TLN2: variants seen among roughly 807,000 people sequenced by gnomAD.
The protein encoded by TLN2 is talin-2.
TLN2 carries 118 observed loss-of-function variants against 294.7 expected under a neutral mutation model. That is an observed-to-expected ratio of 0.40 (90% confidence interval 0.34 to 0.47). The LOEUF is 0.47. Ranked by LOEUF, TLN2 falls within the 20% of genes least tolerant of loss-of-function variation. The pLI, the probability that TLN2 is intolerant of heterozygous loss-of-function variation, is 0.84. For missense variants in TLN2, 3,083 were observed against 3,282.2 expected (o/e 0.94, Z 1.48); for synonymous variants, 1,431 against 1,304.5 (o/e 1.10, Z -2.09).
chr15:62,481,116 C>T (rs2038065046), intron 1 of TLN2, among the ~76,000 whole-genome samples: 1 of 152,154 alleles, frequency 6.6e-6, no homozygotes, highest in African/African-American at 2.4e-5. Context: ...TCACAATTCT[C>T]TTCCTCATTG....
chr15:62,521,364 AT>A (rs1370389473), intron 1 of TLN2, among the ~76,000 whole-genome samples: 1 of 152,190 alleles, frequency 6.6e-6, no homozygotes, highest in African/African-American at 2.4e-5. Flanking sequence ...TCTGTAAAAT[AT>A]TTAAAGAGGT....
intron 1 of TLN2, among the ~76,000 whole-genome samples, chr15:62,398,440 A>G (rs753156389): frequency 2.0e-5 from 3 of 152,136 alleles, no homozygotes; most frequent in African/African-American, 4.8e-5. Flanking sequence ...GGTACCGCAG[A>G]GAGTGGGGTG....
At chr15:62,591,191 G>A (rs959126209) in intron 2 of TLN2, among the ~76,000 whole-genome samples, 3 of 152,088 alleles carry the variant, frequency 2.0e-5, no homozygotes, top group Non-Finnish European at 4.4e-5. Context: ...TCCTAAATTT[G>A]TCTTTAGATT....
At chr15:62,489,344 C>G (rs1025017137) in intron 1 of TLN2, among the ~76,000 whole-genome samples, 1 of 152,196 alleles carries the variant, frequency 6.6e-6, no homozygotes, top group African/African-American at 2.4e-5. Context: ...TGCAACTTCT[C>G]AAACAGCCTA....
At chr15:62,456,303 C>G (rs1452167590) in intron 1 of TLN2, among the ~76,000 whole-genome samples, 2 of 152,172 alleles carry the variant, frequency 1.3e-5, no homozygotes, top group African/African-American at 4.8e-5. Context: ...AGCAATTTGA[C>G]AAAAGGTGAA....
In TLN2 at chr15:62,394,170, G is replaced by A. The variant is rs181396171; in HGVS notation, c.-238+3485G>A. 4.6e-4 allele frequency among the ~76,000 whole-genome samples: 70 copies of A among 152,252 alleles called. 2 individuals carry two copies. In the East Asian group the frequency reaches 0.013, roughly 29 times the overall value. The stretch of plus-strand genomic sequence containing the variant: ...TTGTAACTTCAAAAGGTTAGAAAAC[G>A]AGTATGTGTTTTGGAAAGTTGCCTG... On this transcript the variant is annotated intron_variant, in intron 1 of 58. Coordinates refer to ENST00000636159, the MANE Select transcript of TLN2 (RefSeq NM_015059.3).
intron 1 of TLN2, among the ~76,000 whole-genome samples, chr15:62,580,986 T>C (rs529956100): frequency 1.1e-3 from 170 of 151,426 alleles, no homozygotes; most frequent in African/African-American, 3.9e-3. Context: ...CAGGTCCAAG[T>C]GATTCTCCTG....
rs796104945 is a variant in TLN2, at chr15:62,557,503, A to G, written c.-237-32184A>G. On this transcript the variant is annotated intron_variant, in intron 1 of 58. Coordinates refer to ENST00000636159, the MANE Select transcript of TLN2 (RefSeq NM_015059.3). ...CTGAAGAGTGGGCTGGCAGAGTTAA[A>G]GCCAAAGGCTTAGAATGTAACCTCA... Among the ~76,000 whole-genome samples, 10 of 152,336 alleles carry G rather than the reference A, an allele frequency of 6.6e-5. 1 individual carries two copies. The highest frequency in any genetic ancestry group is 2.4e-4 in the African/African-American group (10 of 41,578).
chr15:62,629,741 C>A (rs1158081543), intron 3 of TLN2, among the ~76,000 whole-genome samples: 1 of 152,116 alleles, frequency 6.6e-6, no homozygotes, highest in Admixed American at 6.5e-5. Flanking sequence ...ATATTTTCTG[C>A]TCATCTTTCA....
At chr15:62,618,198 A>G (rs187102242) in intron 2 of TLN2, among the ~76,000 whole-genome samples, 153 bp from the exon 3 acceptor site, 3 of 152,232 alleles carry the variant, frequency 2.0e-5, no homozygotes, top group Non-Finnish European at 2.9e-5. Context: ...TGTTACATGT[A>G]ATTTGGAATT....
At chr15:62,481,825 T>C (rs1264794280) in intron 1 of TLN2, among the ~76,000 whole-genome samples, 1 of 136,030 alleles carries the variant, frequency 7.4e-6, no homozygotes, top group African/African-American at 2.7e-5. Context: ...TAAGACGGAG[T>C]CTCTCTCTCT....
chr15:62,596,939 C>G (rs748104263), intron 2 of TLN2, among the ~76,000 whole-genome samples: 1 of 152,030 alleles, frequency 6.6e-6, no homozygotes, highest in East Asian at 1.9e-4. Context: ...GGCTTCCACA[C>G]GTAAAAACAT....
At chr15:62,414,017 T>C (rs1433110707) in intron 1 of TLN2, among the ~76,000 whole-genome samples, 2 of 134,418 alleles carry the variant, frequency 1.5e-5, no homozygotes, top group African/African-American at 5.3e-5. Context: ...GGAGATTGCC[T>C]TGGGAAGTTG....
At chr15:62,435,477 GCTGT>G (rs373112523) in intron 1 of TLN2, among the ~76,000 whole-genome samples, 96 of 152,076 alleles carry the variant, frequency 6.3e-4, no homozygotes, top group African/African-American at 2.0e-3. Context: ...TTTTGTGTCT[GCTGT>G]CTATTTGTCT....
chr15:62,827,522 A>C (rs1229726907), intron 54 of TLN2, among the ~76,000 whole-genome samples: 1 of 152,200 alleles, frequency 6.6e-6, no homozygotes, highest in African/African-American at 2.4e-5. Flanking sequence ...CCACAGTCAC[A>C]TAGTCAAAGT....
chr15:62,434,339 A>G (rs527567071), intron 1 of TLN2, among the ~76,000 whole-genome samples: 2 of 152,212 alleles, frequency 1.3e-5, no homozygotes, highest in South Asian at 2.1e-4. Context: ...ATATCCTATT[A>G]GATTATATAG....
intron 1 of TLN2, among the ~76,000 whole-genome samples, chr15:62,427,225 A>G (rs1257448626): frequency 2.0e-5 from 3 of 152,076 alleles, no homozygotes; most frequent in African/African-American, 4.8e-5. Flanking sequence ...TTCATCCACA[A>G]ACAGGATTTA....
intron 47 of TLN2, among the ~76,000 whole-genome samples, 182 bp from the exon 48 acceptor site, chr15:62,797,037 T>TC (rs1203927628): frequency 6.6e-6 from 1 of 152,104 alleles, no homozygotes; most frequent in African/African-American, 2.4e-5. Context: ...TTTCTTCTTC[T>TC]CCCCCCAGTT....
chr15:62,390,807 T>C (rs1214375767), intron 1 of TLN2, 122 bp downstream of exon 1: 1 of 152,184 alleles, frequency 6.6e-6, no homozygotes, highest in Non-Finnish European at 1.5e-5. Context: ...TTCCTCCCTT[T>C]TGCTTCTCGT....
Sources: gnomAD v4.1 joint callset for allele counts (sites outside exome capture counted in the v4.1 genomes callset) on GRCh38, gnomAD v4.1.1 for gene constraint, MANE v1.5 for transcripts, NCBI Gene and HGNC (gene_info 2026-07-23, HGNC 2026-07-21) for gene names.